ENTPD5: variants seen among roughly 807,000 people sequenced by gnomAD.
ENTPD5 encodes ectonucleoside triphosphate diphosphohydrolase 5 (inactive), also known as nucleoside diphosphate phosphatase ENTPD5.
In ENTPD5, 49 loss-of-function variants were observed where a neutral mutation model predicts 60.2. The ratio of observed to expected loss-of-function variants is 0.81; its 90% CI spans 0.65 to 1.03. The LOEUF is 1.03. Among genes scored for constraint, ENTPD5 ranks in the 50% least tolerant of loss-of-function variants. ENTPD5 has a pLI of 0.00. For missense variants in ENTPD5, 480 were observed against 507.6 expected (o/e 0.95, Z 0.52); for synonymous variants, 187 against 185.4 (o/e 1.01, Z -0.07).
At position 73,970,119 on chromosome 14, in the gene ENTPD5, T is replaced by C. The variant is rs1419625610; in HGVS notation, c.1091A>G (p.Asp364Gly). 7 of 1,608,944 alleles carry C rather than the reference T, an allele frequency of 4.4e-6. No individual in the cohort carries two copies. The highest frequency in any genetic ancestry group is 3.3e-5 in the South Asian group (3 of 90,972). The change falls in exon 15 of 16, where the codon GAT (aspartate) becomes GGT (glycine). Residue 364 changes from aspartate (D) to glycine (G), a missense_variant. Asp to Gly is a moderately conservative substitution (Grantham distance 94, BLOSUM62 -1). Coordinates refer to ENST00000334696, the MANE Select transcript of ENTPD5 (RefSeq NM_001249.5). ...GCCTGAGGTGAAGTTTTCCAAGTTA[T>C]CACACACTGAAAGAGAGAGTAAACA... ...DFERKAREVC[D>G]NLENFTSGSP...
chr14:73,998,913 G>A, intron 3 of ENTPD5, among the ~76,000 whole-genome samples: 1 of 152,152 alleles, frequency 6.6e-6, no homozygotes. Flanking sequence ...ACTCAGCTAA[G>A]GAGTTTGGAC....
At chr14:73,956,071 TC>T (rs2056417848), downstream of ENTPD5, 1 of 1,211,372 alleles carries the variant, frequency 8.3e-7, no homozygotes, top group Non-Finnish European at 1.2e-6. Context: ...ACGCCTGTAA[TC>T]CCAGCACTTT....
At chr14:74,016,628 T>A (rs1055972609) in intron 1 of ENTPD5, among the ~76,000 whole-genome samples, 5 of 152,064 alleles carry the variant, frequency 3.3e-5, no homozygotes, top group Admixed American at 1.3e-4. Flanking sequence ...AGTAAGACCC[T>A]ATCTCAAAAA....
chr14:73,981,084 G>A (rs1047131823), intron 6 of ENTPD5, among the ~76,000 whole-genome samples: 1 of 151,930 alleles, frequency 6.6e-6, no homozygotes, highest in Non-Finnish European at 1.5e-5. Context: ...GGGCGACAGA[G>A]CAAGTCTCCG....
intron 3 of ENTPD5, among the ~76,000 whole-genome samples, chr14:73,997,378 C>T (rs187131573): frequency 1.3e-5 from 2 of 152,194 alleles, no homozygotes; most frequent in Admixed American, 6.5e-5. Flanking sequence ...TAAAATAATA[C>T]AGTATCTCAC....
intron 15 of ENTPD5, among the ~76,000 whole-genome samples, chr14:73,969,618 C>T (rs187762868): frequency 2.0e-4 from 30 of 152,132 alleles, no homozygotes; most frequent in African/African-American, 6.0e-4. Context: ...GCAGAAGAAT[C>T]GCTTGAACCC....
At position 73,964,860 on chromosome 14, in the gene ENTPD5, A is replaced by T. The variant is rs546262422; in HGVS notation, c.*2068T>A. The T allele has an allele frequency of 1.8e-4, 27 of 152,182 alleles. No homozygotes were observed. The highest frequency in any genetic ancestry group is 3.8e-4 in the Non-Finnish European group (26 of 67,992). The allele number at this position is 152,182 out of a possible 1,614,324, so 9.4% of individuals were successfully genotyped here. A position where few individuals can be genotyped will look rare whatever the true frequency, so the allele number is the denominator to read the frequency against. On this transcript the variant is annotated 3_prime_UTR_variant, in exon 16 of 16. Coordinates refer to ENST00000334696, the MANE Select transcript of ENTPD5 (RefSeq NM_001249.5). The stretch of plus-strand genomic sequence containing the variant: ...GGTAGATTTCAGCTCAATATAAGGA[A>T]TTTTTTTTAATATCAGTGCAGTTCC...
intron 3 of ENTPD5, among the ~76,000 whole-genome samples, chr14:74,001,686 A>AC: frequency 6.9e-6 from 1 of 144,784 alleles, no homozygotes; most frequent in African/African-American, 2.6e-5. Context: ...AAAAAAAAAA[A>AC]AAAAAAAAAA....
chr14:73,959,279 C>G, downstream of ENTPD5: 1 of 1,614,216 alleles, frequency 6.2e-7, no homozygotes, highest in Non-Finnish European at 8.5e-7. Flanking sequence ...TTCCTCTTCA[C>G]TTTCTCTCAG....
At chr14:74,013,322 A>G (rs2058902179) in intron 2 of ENTPD5, among the ~76,000 whole-genome samples, 1 of 152,080 alleles carries the variant, frequency 6.6e-6, no homozygotes, top group African/African-American at 2.4e-5. Context: ...CCTTCTATAA[A>G]CTTTCCCTGA....
chr14:73,982,295 A>G (rs1324126235), intron 6 of ENTPD5, among the ~76,000 whole-genome samples: 2 of 152,000 alleles, frequency 1.3e-5, no homozygotes, highest in Non-Finnish European at 2.9e-5. Flanking sequence ...GGCTGGTCTC[A>G]AACTCCTGAC....
At chr14:73,998,223 G>C (rs748150267) in intron 3 of ENTPD5, among the ~76,000 whole-genome samples, 10 of 152,108 alleles carry the variant, frequency 6.6e-5, no homozygotes, top group Non-Finnish European at 1.3e-4. Context: ...TTATCTATAG[G>C]AGCATCTGAA....
At chr14:74,002,332 G>A (rs2058536944) in intron 3 of ENTPD5, among the ~76,000 whole-genome samples, 1 of 152,276 alleles carries the variant, frequency 6.6e-6, no homozygotes, top group South Asian at 2.1e-4. Context: ...GGAGGCGAGT[G>A]TAGAGCAGAG....
chr14:73,974,873 G>A (rs747919929), intron 11 of ENTPD5, 51 bp downstream of exon 11: 2 of 1,413,818 alleles, frequency 1.4e-6, no homozygotes, highest in Non-Finnish European at 2.0e-6. Context: ...AGCAAGCGGA[G>A]TATCTGTGTC....
intron 2 of ENTPD5, among the ~76,000 whole-genome samples, chr14:74,012,834 C>T (rs2058887022): frequency 6.6e-6 from 1 of 152,092 alleles, no homozygotes; most frequent in Non-Finnish European, 1.5e-5. Context: ...ATTTAAAAAC[C>T]CCCAAAAACC....
At chr14:74,000,845 A>C (rs1445155547) in intron 3 of ENTPD5, among the ~76,000 whole-genome samples, 4 of 152,142 alleles carry the variant, frequency 2.6e-5, no homozygotes, top group Admixed American at 2.6e-4. Flanking sequence ...ATAACTACAG[A>C]AATAATAGAG....
intron 3 of ENTPD5, chr14:74,007,939 T>C (rs867471825): frequency 6.6e-6 from 1 of 151,336 alleles, no homozygotes; most frequent in South Asian, 2.1e-4. Flanking sequence ...CAAGTGATTA[T>C]CCTGCCTCAG....
intron 10 of ENTPD5, 137 bp downstream of exon 10, chr14:73,975,799 T>A: frequency 1.5e-6 from 1 of 645,324 alleles, no homozygotes; most frequent in South Asian, 2.3e-5. Flanking sequence ...TGGACCGGGT[T>A]TCAGTTGATA....
intron 11 of ENTPD5, 57 bp from the exon 12 acceptor site, chr14:73,974,035 GC>G (rs2057338676): frequency 6.8e-7 from 1 of 1,468,854 alleles, no homozygotes; most frequent in African/African-American, 1.4e-5. Context: ...AGGGAGGAAG[GC>G]AAGCAAGAAG....
Sources: allele counts gnomAD v4.1 joint callset (sites outside exome capture counted in the v4.1 genomes callset), GRCh38; gene constraint gnomAD v4.1.1; transcripts MANE v1.5; gene names NCBI Gene and HGNC (gene_info 2026-07-23, HGNC 2026-07-21).